TMEM79: variants seen among roughly 807,000 people sequenced by gnomAD.
TMEM79 encodes transmembrane protein 79.
A neutral mutation model predicts 31.2 loss-of-function variants in TMEM79; 30 were observed. The ratio of observed to expected loss-of-function variants is 0.96; its 90% CI spans 0.72 to 1.30. The LOEUF is 1.30. Ranked by LOEUF, TMEM79 falls within the 50% of genes most tolerant of loss-of-function variation. The pLI, the probability that TMEM79 is intolerant of heterozygous loss-of-function variation, is 0.00. For missense variants in TMEM79, 509 were observed against 528.2 expected (o/e 0.96, Z 0.36); for synonymous variants, 213 against 229.5 (o/e 0.93, Z 0.65).
Position 156,285,288 on chromosome 1 carries a change from G to C in TMEM79, c.62G>C (p.Ser21Thr). ...EVKRSDSPEK[S>T]SPQALVPNGR... ...AAGAGGTCTGATTCCCCAGAGAAGA[G>C]CTCACCCCAGGCCTTGGTTCCCAAT... Residue 21 changes from serine to threonine, a missense_variant, in exon 2 of 4, where the codon AGC becomes ACC. Transcript: ENST00000405535. 6.4e-7 allele frequency: 1 copy of C among 1,573,322 alleles called. No individual in the cohort carries two copies. Among genetic ancestry groups the C allele is most frequent in the Non-Finnish European group, 8.6e-7 (1 of 1,163,266 alleles).
In TMEM79 at chr1:156,285,537, CAG is replaced by C. The variant is rs1274222132; in HGVS notation, c.313_314del (p.Glu105ThrfsTer18). ...GACATTGAACCAGAGCCCCCTGAGT[CAG>C]AACCACTTACCAAGCTAGAGGAGCT... On this transcript the variant is annotated frameshift_variant, in exon 2 of 4. Transcript: ENST00000405535. LOFTEE classifies it high-confidence loss of function. 4.3e-6 allele frequency: 7 copies of C among 1,614,212 alleles called. No individual in the cohort carries two copies. The highest frequency in any genetic ancestry group is 5.9e-6 in the Non-Finnish European group (7 of 1,180,042).
At position 156,291,409 on chromosome 1, in the gene TMEM79, C is replaced by CA; in HGVS notation, c.996_997insA (p.Val333SerfsTer83). The CA allele has an allele frequency of 1.2e-6, 2 of 1,614,100 alleles. No individual in the cohort carries two copies. Among genetic ancestry groups the CA allele is most frequent in the South Asian group, 2.2e-5 (2 of 91,078 alleles). The stretch of plus-strand genomic sequence containing the variant: ...GGCTGATCTACTGGCTGACCTTTGC[C>CA]GTGGGCCGCTCCTTCCGAGGCTTCG... On this transcript the variant is annotated frameshift_variant, in exon 4 of 4. Coordinates refer to ENST00000405535, the MANE Select transcript of TMEM79 (RefSeq NM_032323.3). LOFTEE classifies it high-confidence loss of function.
rs773294015 is a variant in TMEM79 at position 156,285,765 on chromosome 1, G to A, written c.539G>A (p.Arg180Lys). 3 of 1,613,362 alleles carry A rather than the reference G, an allele frequency of 1.9e-6. No individual in the cohort carries two copies. Among genetic ancestry groups the A allele is most frequent in the East Asian group, 4.5e-5 (2 of 44,874 alleles). ...CGCAAGTGGGCTGAGGCAGTGGTGA[G>A]GCCGCCTGGCTGTTCCTGTGGGGGC... The part of the protein sequence containing the change: ...TERKWAEAVV[R>K]PPGCSCGGCG... Residue 180 changes from arginine (R) to lysine (K), a missense_variant, in exon 2 of 4, where the codon AGG becomes AAG. By Grantham distance (26) the Arg-to-Lys change is conservative. Transcript: ENST00000405535.
At chr1:156,288,330 CT>C (rs1305621316) in intron 3 of TMEM79, among the ~76,000 whole-genome samples, 2 of 148,302 alleles carry the variant, frequency 1.3e-5, no homozygotes, top group Admixed American at 6.7e-5. Flanking sequence ...GCTCTTGTTA[CT>C]TTTTTTTTCT....
chr1:156,289,823 T>C (rs1428464921), intron 3 of TMEM79, among the ~76,000 whole-genome samples: 1 of 152,194 alleles, frequency 6.6e-6, no homozygotes. Flanking sequence ...CCTCCCTCCA[T>C]TGAGGGGTGT....
At chr1:156,289,078 A>G (rs1663244959) in intron 3 of TMEM79, among the ~76,000 whole-genome samples, 1 of 152,182 alleles carries the variant, frequency 6.6e-6, no homozygotes, top group African/African-American at 2.4e-5. Flanking sequence ...CTTCTTTACC[A>G]TGGACAAGTT....
At chr1:156,283,279 C>T (rs1176287398), upstream of TMEM79, among the ~76,000 whole-genome samples, 1 of 152,214 alleles carries the variant, frequency 6.6e-6, no homozygotes, top group East Asian at 1.9e-4. Flanking sequence ...AGGAGTAAAG[C>T]CCCGGAAGAA....
rs1000665367 is a variant in TMEM79, at chr1:156,291,779, C to T, written c.*181C>T. ...CTCCCCTTGCCGGAGCTGCCCTTCA[C>T]CTTTGGGGCCCGAGACAGTCATAAG... On this transcript the variant is annotated 3_prime_UTR_variant, in exon 4 of 4. Transcript: ENST00000405535. 34 of 617,990 alleles carry T rather than the reference C, an allele frequency of 5.5e-5. No homozygotes were observed. The African/African-American group carries it at 5.5e-4, about 10-fold the overall frequency. 38.3% of individuals were successfully genotyped at this position (617,990 alleles called of 1,614,324 possible).
chr1:156,286,098 C>A (rs1663151524), intron 2 of TMEM79, 115 bp downstream of exon 2: 1 of 1,461,684 alleles, frequency 6.8e-7, no homozygotes, highest in African/African-American at 1.4e-5. Flanking sequence ...CTCAGGGTCT[C>A]CCACCCCCTG....
chr1:156,291,615 C>T lies in TMEM79; in HGVS notation c.*17C>T, dbSNP rs374293716. The T allele has an allele frequency of 1.7e-4, 268 of 1,609,530 alleles. 1 individual carries two copies. Among genetic ancestry groups the T allele is most frequent in the Non-Finnish European group, 2.1e-4 (245 of 1,177,630 alleles). The stretch of plus-strand genomic sequence containing the variant: ...TGGGGCTGAGCCTCTCCGCCCTCGC[C>T]CTCGGAGTAGGGGGTAGCGGCTTGG... On this transcript the variant is annotated 3_prime_UTR_variant, in exon 4 of 4. Coordinates refer to ENST00000405535, the MANE Select transcript of TMEM79 (RefSeq NM_032323.3).
In TMEM79 at chr1:156,285,994, G is replaced by A; in HGVS notation, c.757+11G>A. 1 of 1,591,092 alleles carries A rather than the reference G, an allele frequency of 6.3e-7. No homozygotes were observed. The highest frequency in any genetic ancestry group is 8.6e-7 in the Non-Finnish European group (1 of 1,168,568). On this transcript the variant is annotated intron_variant, in intron 2 of 3. Transcript: ENST00000405535. ...TCCCCATTGTGCTGGGTGAGCCTGT[G>A]AGAAGAAAGGGGGCATCGGGAAGTG...
Position 156,285,461 on chromosome 1 carries a change from G to A in TMEM79, c.235G>A (p.Gly79Arg). 1 of 1,614,052 alleles carries A rather than the reference G, an allele frequency of 6.2e-7. No individual in the cohort carries two copies. Among genetic ancestry groups the A allele is most frequent in the Non-Finnish European group, 8.5e-7 (1 of 1,180,014 alleles). Residue 79 changes from glycine (G) to arginine (R), a missense_variant, in exon 2 of 4, where the codon GGG (glycine) becomes AGG (arginine). By Grantham distance (125) the Gly-to-Arg change is moderately radical. Coordinates refer to ENST00000405535, the MANE Select transcript of TMEM79 (RefSeq NM_032323.3). ...AAGTGAGGCTGCCACCTTGCCCTGGGGGACTGGCCCTCAGCCCAGTGCTCC... is the reference window on the plus strand; with the variant it reads ...AAGTGAGGCTGCCACCTTGCCCTGGAGGACTGGCCCTCAGCCCAGTGCTCC... ...TVSEAATLPW[G>R]TGPQPSAPFP...
intron 3 of TMEM79, 123 bp from the exon 4 acceptor site, chr1:156,291,262 A>C: frequency 1.3e-6 from 1 of 782,952 alleles, no homozygotes; most frequent in South Asian, 1.6e-5. Context: ...TGTATTTGGA[A>C]GTACCAGCCA....
At position 156,292,160 on chromosome 1, in the gene TMEM79, T is replaced by A. The variant is rs1663358483; in HGVS notation, c.*562T>A. The stretch of plus-strand genomic sequence containing the variant: ...TTCAGGACCCTCCATGACTGGCCTA[T>A]TTACTGTTTACAGCTGGCCAGTGCA... On this transcript the variant is annotated 3_prime_UTR_variant, in exon 4 of 4. Transcript: ENST00000405535. 1 of 167,928 alleles carries A rather than the reference T, an allele frequency of 6.0e-6. No individual in the cohort carries two copies. Among genetic ancestry groups the A allele is most frequent in the East Asian group, 1.7e-4 (1 of 6,012 alleles). The allele number at this position is 167,928 out of a possible 1,614,324, so 10.4% of individuals were successfully genotyped here. A position where few individuals can be genotyped will look rare whatever the true frequency, so the allele number is the denominator to read the frequency against.
chr1:156,285,949 CTGCGGGGTCTT>C lies in TMEM79; in HGVS notation c.727_737del (p.Gly243HisfsTer169), dbSNP rs1245629147. 2.5e-6 allele frequency: 4 copies of C among 1,611,170 alleles called. No homozygotes were observed. The highest frequency in any genetic ancestry group is 1.7e-5 in the Admixed American group (1 of 59,772). On this transcript the variant is annotated frameshift_variant, in exon 2 of 4. Coordinates refer to ENST00000405535, the MANE Select transcript of TMEM79 (RefSeq NM_032323.3). LOFTEE classifies it high-confidence loss of function. ...GTTCCCGCCTGATCTACACACTGCGCTGCGGGGTCTTTGCCACCTTCCCCATTGTGCTGGGT... is the reference window on the plus strand; with the variant it reads ...GTTCCCGCCTGATCTACACACTGCGCTGCCACCTTCCCCATTGTGCTGGGT...
intron 3 of TMEM79, among the ~76,000 whole-genome samples, chr1:156,288,131 C>T (rs1449499016): frequency 2.0e-5 from 3 of 148,034 alleles, no homozygotes; most frequent in Non-Finnish European, 4.4e-5. Context: ...AGGAGAATGG[C>T]GTGAACCCGG....
chr1:156,291,954 G>T lies in TMEM79; in HGVS notation c.*356G>T, dbSNP rs1663351838. 3.9e-6 allele frequency: 2 copies of T among 515,558 alleles called. No individual in the cohort carries two copies. The highest frequency in any genetic ancestry group is 6.9e-6 in the Non-Finnish European group (2 of 289,232). The allele number at this position is 515,558 out of a possible 1,614,324, so 31.9% of individuals were successfully genotyped here. A position where few individuals can be genotyped will look rare whatever the true frequency, so the allele number is the denominator to read the frequency against. On this transcript the variant is annotated 3_prime_UTR_variant, in exon 4 of 4. Transcript: ENST00000405535. ...ACAAGGCTCCCTAATGCTGGTCTCT[G>T]CTCCACTCCCCGGCTTCCCGTGAGG...
rs1276716478 is a variant in TMEM79, at chr1:156,291,529, C to T, written c.1116C>T (p.Thr372=). 5 of 1,610,264 alleles carry T rather than the reference C, an allele frequency of 3.1e-6. No individual in the cohort carries two copies. In the Admixed American group the frequency reaches 5.0e-5, roughly 16 times the overall value. The change falls in exon 4 of 4, where the codon ACC becomes ACT. Residue 372 remains threonine (T), a synonymous_variant. Transcript: ENST00000405535. The part of the protein sequence containing the change: ...VVEPERMLTA[T]ESRLDYPDHA... ...AGCCGGAGCGCATGCTCACTGCCAC[C>T]GAGAGCCGCCTGGACTACCCGGACC...
At chr1:156,284,251 A>G (rs1663081560), upstream of TMEM79, 1 of 152,198 alleles carries the variant, frequency 6.6e-6, no homozygotes. Flanking sequence ...TGCCCCTTTA[A>G]GCTGGGCCCC....
Sources: gnomAD v4.1 joint callset for allele counts (sites outside exome capture counted in the v4.1 genomes callset) on GRCh38, gnomAD v4.1.1 for gene constraint, MANE v1.5 for transcripts, NCBI Gene and HGNC (gene_info 2026-07-23, HGNC 2026-07-21) for gene names.